The following ADGRG6 variants were observed in gnomAD, a reference collection of about 807,000 sequenced individuals.
ADGRG6 encodes the protein adhesion G protein-coupled receptor G6, also known as G-protein coupled receptor 126.
ADGRG6 carries 84 observed loss-of-function variants against 142.4 expected under a neutral mutation model. That is an observed-to-expected ratio of 0.59 (90% confidence interval 0.49 to 0.71). The LOEUF (loss-of-function observed/expected upper bound fraction) is 0.71. ADGRG6 is among the 30% of genes least tolerant of loss of function. The pLI is 0.00. For synonymous variants in ADGRG6, 521 were observed against 520.5 expected (o/e 1.00, Z -0.01); for missense variants, 1,367 against 1,466.6 (o/e 0.93, Z 1.11).
rs1781018348 is a variant in ADGRG6 at position 142,367,724 on chromosome 6, G to C, written c.259G>C (p.Asp87His). 1 of 1,613,886 alleles carries C rather than the reference G, an allele frequency of 6.2e-7. No individual in the cohort carries two copies. Among genetic ancestry groups the C allele is most frequent in the African/African-American group, 1.3e-5 (1 of 75,004 alleles). Residue 87 changes from aspartate to histidine, a missense_variant, in exon 3 of 25, where the codon GAC becomes CAC. Physicochemically the swap from Asp to His is moderately conservative, Grantham distance 81 (BLOSUM62 -1). Transcript: ENST00000367609. ...CATTCAGATAACATTTAACGACTTTGACATTGAAGAAGCTCCCAATTGCAT... is the reference window on the plus strand; with the variant it reads ...CATTCAGATAACATTTAACGACTTTCACATTGAAGAAGCTCCCAATTGCAT... ...YIIQITFNDF[D>H]IEEAPNCIYD...
At chr6:142,315,863 AT>A (rs1778033057) in intron 2 of ADGRG6, among the ~76,000 whole-genome samples, 1 of 148,664 alleles carries the variant, frequency 6.7e-6, no homozygotes, top group African/African-American at 2.6e-5. Context: ...AAATAAATAA[AT>A]AAATAAAGCA....
At chr6:142,398,319 C>T (rs991768300) in intron 10 of ADGRG6, among the ~76,000 whole-genome samples, 4 of 151,996 alleles carry the variant, frequency 2.6e-5, no homozygotes, top group Admixed American at 6.6e-5. Flanking sequence ...AGTTACTAGG[C>T]GGGGCTGAGG....
chr6:142,353,087 T>G lies in ADGRG6; in HGVS notation c.104-14482T>G, dbSNP rs142840512. ...ATGAACTCAAGGTAAGTGGGTCATCTTGGAGATATACACTTGCTGTTTTTT... is the reference window on the plus strand; with the variant it reads ...ATGAACTCAAGGTAAGTGGGTCATCGTGGAGATATACACTTGCTGTTTTTT... On this transcript the variant is annotated intron_variant, in intron 2 of 24. Coordinates refer to ENST00000367609, the MANE Select transcript of ADGRG6 (RefSeq NM_198569.3). Among the ~76,000 whole-genome samples, 21 of 152,296 alleles carry G rather than the reference T, an allele frequency of 1.4e-4. No homozygotes were observed. The East Asian group carries it at 1.7e-3, about 13-fold the overall frequency.
At chr6:142,395,636 C>A (rs1430615837) in intron 9 of ADGRG6, among the ~76,000 whole-genome samples, 1 of 152,154 alleles carries the variant, frequency 6.6e-6, no homozygotes, top group African/African-American at 2.4e-5. Flanking sequence ...GGAGAATGAA[C>A]TGAGACAGTG....
chr6:142,402,139 T>C (rs1469048586), intron 12 of ADGRG6, 81 bp downstream of exon 12: 1 of 703,616 alleles, frequency 1.4e-6, no homozygotes, highest in East Asian at 2.7e-5. Context: ...TCTTCGAGAA[T>C]ATTCTTCTGC....
chr6:142,378,692 G>A (rs1781611002), intron 4 of ADGRG6, among the ~76,000 whole-genome samples: 1 of 152,000 alleles, frequency 6.6e-6, no homozygotes, highest in Admixed American at 6.6e-5. Flanking sequence ...TCCTCTTCTT[G>A]CATTCACTCG....
chr6:142,401,816 C>T (rs886746751), intron 11 of ADGRG6, among the ~76,000 whole-genome samples, 178 bp from the exon 12 acceptor site: 3 of 151,926 alleles, frequency 2.0e-5, no homozygotes, highest in Non-Finnish European at 1.5e-5. Context: ...GACATATAAA[C>T]AGGTACAGAG....
intron 2 of ADGRG6, among the ~76,000 whole-genome samples, chr6:142,321,652 A>G (rs575208346): frequency 3.5e-4 from 54 of 152,280 alleles, no homozygotes; most frequent in African/African-American, 1.2e-3. Context: ...CAGCTAAGCT[A>G]TAATGATAAA....
At position 142,411,398 on chromosome 6, in the gene ADGRG6, T is replaced by C; in HGVS notation, c.2528T>C (p.Phe843Ser). Residue 843 changes from phenylalanine (F) to serine (S), a missense_variant, in exon 18 of 25, where the codon TTT (phenylalanine) becomes TCT (serine). This residue lies in a region of ADGRG6 where 286 missense variants were observed against 371.4 expected (regional missense o/e 0.77). Transcript: ENST00000367609. ...TGCCTGTGTAACCACTTCACACACT[T>C]TGGAGTTCTGATGGTAAGGGGGGAA... ...TVCLCNHFTH[F>S]GVLMDLPRSA... The C allele has an allele frequency of 6.4e-7, 1 of 1,569,758 alleles. No individual in the cohort carries two copies. The highest frequency in any genetic ancestry group is 1.1e-5 in the South Asian group (1 of 90,282).
intron 2 of ADGRG6, among the ~76,000 whole-genome samples, chr6:142,350,053 C>T (rs973642379): frequency 1.3e-5 from 2 of 151,870 alleles, no homozygotes; most frequent in Admixed American, 1.3e-4. Context: ...GAAAAGCTTA[C>T]AGACTTGATT....
rs995877726 is a variant in ADGRG6, at chr6:142,413,897, T to C, written c.2542-1072T>C. On this transcript the variant is annotated intron_variant, in intron 18 of 24. Coordinates refer to ENST00000367609, the MANE Select transcript of ADGRG6 (RefSeq NM_198569.3). ...AACCTGAAACTAACCCACATTTCTT[T>C]ATCACACACACACACACACACACAC... Among the ~76,000 whole-genome samples, 3 of 95,796 alleles carry C rather than the reference T, an allele frequency of 3.1e-5. 1 individual carries two copies. The highest frequency in any genetic ancestry group is 1.6e-4 in the African/African-American group (3 of 18,830). The allele number at this position is 95,796 out of a possible 152,430, so 62.8% of individuals were successfully genotyped here.
At chr6:142,375,231 C>A (rs1290288969) in intron 4 of ADGRG6, among the ~76,000 whole-genome samples, 2 of 152,190 alleles carry the variant, frequency 1.3e-5, no homozygotes, top group Non-Finnish European at 2.9e-5. Flanking sequence ...CGGAGTGCAT[C>A]AAATACATAC....
intron 16 of ADGRG6, 125 bp from the exon 17 acceptor site, chr6:142,409,749 G>A: frequency 2.0e-6 from 1 of 493,538 alleles, no homozygotes; most frequent in Admixed American, 3.9e-5. Flanking sequence ...ACATTTTCAG[G>A]TTGAATTGGC....
At chr6:142,354,404 CAAAA>C (rs1270283841) in intron 2 of ADGRG6, among the ~76,000 whole-genome samples, 1 of 151,908 alleles carries the variant, frequency 6.6e-6, no homozygotes, top group African/African-American at 2.4e-5. Flanking sequence ...AACAAACAAA[CAAAA>C]AAACTTTTGA....
chr6:142,355,686 C>A (rs1298469310), intron 2 of ADGRG6, among the ~76,000 whole-genome samples: 1 of 152,104 alleles, frequency 6.6e-6, no homozygotes, highest in Non-Finnish European at 1.5e-5. Flanking sequence ...TGGAAACATG[C>A]TGCACTGTGT....
intron 1 of ADGRG6, among the ~76,000 whole-genome samples, chr6:142,305,461 C>CACACACACACACACAG (rs1777448215): frequency 6.7e-6 from 1 of 149,014 alleles, no homozygotes; most frequent in African/African-American, 2.5e-5. Flanking sequence ...CACACACACA[C>CACACACACACACACAG]ACACACACAA....
intron 2 of ADGRG6, among the ~76,000 whole-genome samples, chr6:142,353,379 A>G (rs1780279770): frequency 6.6e-6 from 1 of 152,194 alleles, no homozygotes; most frequent in Admixed American, 6.5e-5. Flanking sequence ...TCATCTTGCA[A>G]TGGTTTAATC....
intron 2 of ADGRG6, among the ~76,000 whole-genome samples, chr6:142,334,880 C>T (rs978195506): frequency 2.6e-5 from 4 of 151,622 alleles, no homozygotes. Flanking sequence ...AAATGAAATT[C>T]AAAATAATAT....
chr6:142,374,944 T>C (rs1429786146), intron 4 of ADGRG6, among the ~76,000 whole-genome samples: 1 of 152,148 alleles, frequency 6.6e-6, no homozygotes, highest in Non-Finnish European at 1.5e-5. Context: ...TCTCAGCAAT[T>C]TTCAAGTATA....
Sources: gnomAD v4.1 joint callset for allele counts (sites outside exome capture counted in the v4.1 genomes callset) on GRCh38, gnomAD v4.1.1 for gene constraint, gnomAD v4.1.1 regional missense constraint, MANE v1.5 for transcripts, NCBI Gene and HGNC (gene_info 2026-07-23, HGNC 2026-07-21) for gene names.